Variants in ARPC1B observed in about 807,000 individuals in gnomAD.
ARPC1B encodes the protein actin related protein 2/3 complex subunit 1B.
A neutral mutation model predicts 46.0 loss-of-function variants in ARPC1B; 29 were observed. The ratio of observed to expected loss-of-function variants is 0.63; its 90% CI spans 0.47 to 0.86. The LOEUF is 0.86. Among genes scored for constraint, ARPC1B ranks in the 40% least tolerant of loss-of-function variants. ARPC1B has a pLI of 0.00. For missense variants in ARPC1B, 469 were observed against 529.4 expected (o/e 0.89, Z 1.12); for synonymous variants, 201 against 213.9 (o/e 0.94, Z 0.53).
intron 3 of ARPC1B, 38 bp from the exon 4 acceptor site, chr7:99,388,001 T>C (rs746457491): frequency 7.1e-7 from 1 of 1,405,296 alleles, no homozygotes; most frequent in Non-Finnish European, 1.0e-6. Context: ...TCTGCCTGAG[T>C]GTCATCAGCC....
At chr7:99,390,764 C>T in intron 5 of ARPC1B, 129 bp from the exon 6 acceptor site, 1 of 729,976 alleles carries the variant, frequency 1.4e-6, no homozygotes, top group African/African-American at 1.8e-5. Context: ...GTAGCGCAAT[C>T]ACAGCTCACT....
At position 99,392,882 on chromosome 7, in the gene ARPC1B, A is replaced by T. The variant is rs773868499; in HGVS notation, c.989+6A>T. 1.3e-6 allele frequency: 2 copies of T among 1,531,704 alleles called. No individual in the cohort carries two copies. The highest frequency in any genetic ancestry group is 1.8e-6 in the Non-Finnish European group (2 of 1,134,948). 94.9% of individuals were successfully genotyped at this position (1,531,704 alleles called of 1,614,324 possible). ...CTGCACAAGAACAGCGTCAGGTGAG[A>T]GCGGGAGCCGGGCCGGCGGGTGGGC... On this transcript the variant is annotated splice_donor_region_variant and intron_variant, in intron 8 of 9. Transcript: ENST00000646101.
intron 1 of ARPC1B, among the ~76,000 whole-genome samples, chr7:99,375,132 C>T (rs1453935079): frequency 6.6e-6 from 1 of 152,120 alleles, no homozygotes; most frequent in African/African-American, 2.4e-5. Flanking sequence ...GTCCCCAGCC[C>T]CCGGCCCCAA....
chr7:99,393,842 C>T (rs1562819622), intron 8 of ARPC1B, among the ~76,000 whole-genome samples, 187 bp from the exon 9 acceptor site: 2 of 152,284 alleles, frequency 1.3e-5, no homozygotes, highest in South Asian at 2.1e-4. Context: ...AGTGTCCTGT[C>T]CCATTTGCCT....
At chr7:99,391,336 T>G in intron 7 of ARPC1B, 83 bp downstream of exon 7, 1 of 1,347,782 alleles carries the variant, frequency 7.4e-7, no homozygotes, top group Non-Finnish European at 1.0e-6. Flanking sequence ...CCTCCCTCCT[T>G]TCTCCTGCCT....
intron 2 of ARPC1B, 39 bp from the exon 3 acceptor site, chr7:99,386,646 T>C (rs553693808): frequency 2.7e-6 from 4 of 1,492,982 alleles, no homozygotes; most frequent in Admixed American, 1.7e-5. Context: ...AGGGCAGTCA[T>C]GGAGAGGGCC....
chr7:99,377,833 A>G (rs1794074393), intron 1 of ARPC1B, among the ~76,000 whole-genome samples: 1 of 151,330 alleles, frequency 6.6e-6, no homozygotes, highest in Non-Finnish European at 1.5e-5. Context: ...GGGTTTTACC[A>G]TGTTGGGCAG....
Position 99,394,605 on chromosome 7 carries a change from G to T in ARPC1B, c.*116G>T. 6.5e-7 allele frequency: 1 copy of T among 1,545,022 alleles called. No individual in the cohort carries two copies. On this transcript the variant is annotated 3_prime_UTR_variant, in exon 10 of 10. Coordinates refer to ENST00000646101, the MANE Select transcript of ARPC1B (RefSeq NM_005720.4). ...GGGGTACCAATACGAGTTCCCATAG[G>T]GGCTGCTCCCTCAAAAAGGGAGGGG...
At chr7:99,393,033 C>T (rs1794622575) in intron 8 of ARPC1B, among the ~76,000 whole-genome samples, 157 bp downstream of exon 8, 1 of 152,136 alleles carries the variant, frequency 6.6e-6, no homozygotes, top group South Asian at 2.1e-4. Flanking sequence ...CCTCAACTCG[C>T]TGCGCCGGAA....
At chr7:99,386,827 G>A (rs532558000) in intron 3 of ARPC1B, 38 bp downstream of exon 3, 2 of 1,539,728 alleles carry the variant, frequency 1.3e-6, no homozygotes, top group African/African-American at 1.4e-5. Flanking sequence ...CCTGAAAGGA[G>A]GTGGTGGGTT....
chr7:99,391,294 A>G, intron 7 of ARPC1B, 41 bp downstream of exon 7: 1 of 1,593,170 alleles, frequency 6.3e-7, no homozygotes, highest in Non-Finnish European at 8.6e-7. Flanking sequence ...TGGTCACAGC[A>G]GGCCTCCGAG....
intron 1 of ARPC1B, among the ~76,000 whole-genome samples, chr7:99,379,001 TCTC>T (rs756390363): frequency 1.3e-5 from 2 of 151,864 alleles, no homozygotes; most frequent in Non-Finnish European, 2.9e-5. Flanking sequence ...ATGGTCTCGA[TCTC>T]CTGACCTCGT....
At position 99,394,490 on chromosome 7, in the gene ARPC1B, C is replaced by G. The variant is rs377295485; in HGVS notation, c.*1C>G. The G allele has an allele frequency of 3.7e-6, 6 of 1,613,976 alleles. No individual in the cohort carries two copies. In the South Asian group the frequency reaches 6.6e-5, roughly 18 times the overall value. ...CTTGAAGGACCTCAAGATCAAATGA[C>G]CTGTGAGGAATATGTTGCCTTCATC... On this transcript the variant is annotated 3_prime_UTR_variant, in exon 10 of 10. Transcript: ENST00000646101.
Position 99,392,759 on chromosome 7 carries a change from G to T in ARPC1B, c.872G>T (p.Ser291Ile). ...FGGRLDVPKQ[S>I]SQRGLTARER... ...GGGCGGCTGGACGTTCCTAAGCAGA[G>T]CTCGCAGCGTGGCTTGACGGCCCGC... Residue 291 changes from serine to isoleucine, a missense_variant, in exon 8 of 10, where the codon AGC (serine) becomes ATC (isoleucine). Ser to Ile is a moderately radical substitution (Grantham distance 142). Transcript: ENST00000646101. The T allele has an allele frequency of 1.3e-6, 2 of 1,549,778 alleles. No homozygotes were observed. The highest frequency in any genetic ancestry group is 2.7e-5 in the African/African-American group (2 of 73,174).
At chr7:99,387,987 C>A in intron 3 of ARPC1B, 52 bp from the exon 4 acceptor site, 2 of 1,262,946 alleles carry the variant, frequency 1.6e-6, no homozygotes, top group Non-Finnish European at 2.3e-6. Flanking sequence ...ACCATACAGC[C>A]ACCTCTGCCT....
chr7:99,393,998 T>G (rs778835726), intron 8 of ARPC1B, 31 bp from the exon 9 acceptor site: 1 of 1,609,174 alleles, frequency 6.2e-7, no homozygotes, highest in African/African-American at 1.3e-5. Flanking sequence ...CAGCACAGGT[T>G]GAATTCATAA....
upstream of ARPC1B, chr7:99,374,559 G>C (rs1793976640): frequency 6.6e-6 from 1 of 152,144 alleles, no homozygotes; most frequent in South Asian, 2.1e-4. This position sits in a 1 kb window ranked among gnomAD's most constrained non-coding sequence, Gnocchi z 5.0. Flanking sequence ...ACAGAGCCTT[G>C]GGCTCCGACG....
chr7:99,391,744 A>G (rs1794576863), intron 7 of ARPC1B, among the ~76,000 whole-genome samples: 1 of 129,736 alleles, frequency 7.7e-6, no homozygotes, highest in Non-Finnish European at 1.5e-5. Flanking sequence ...GCGACACAAA[A>G]CCTGTCTCAA....
Position 99,388,066 on chromosome 7 carries a change from G to T in ARPC1B, c.197G>T (p.Arg66Leu). 1.2e-6 allele frequency: 2 copies of T among 1,611,294 alleles called. No homozygotes were observed. The highest frequency in any genetic ancestry group is 1.7e-6 in the Non-Finnish European group (2 of 1,177,686). ...TGIDWAPESNRIVTCGTDRNA... is the reference protein window; with the variant it reads ...TGIDWAPESNLIVTCGTDRNA... ...ATCGACTGGGCCCCCGAGAGTAACC[G>T]TATTGTGACCTGCGGCACAGACCGC... The change falls in exon 4 of 10, where the codon CGT (arginine) becomes CTT (leucine). Residue 66 changes from arginine to leucine, a missense_variant. Transcript: ENST00000646101.
Sources: gnomAD v4.1 joint callset for allele counts (sites outside exome capture counted in the v4.1 genomes callset) on GRCh38, gnomAD v4.1.1 for gene constraint, Gnocchi (gnomAD v3.1) non-coding constraint, MANE v1.5 for transcripts, NCBI Gene and HGNC (gene_info 2026-07-23, HGNC 2026-07-21) for gene names.